L3MBTL4: variants seen among roughly 807,000 people sequenced by gnomAD.
The protein encoded by L3MBTL4 is L3MBTL histone methyl-lysine binding protein 4.
In L3MBTL4, 70 loss-of-function variants were observed where a neutral mutation model predicts 84.5. That is an observed-to-expected ratio of 0.83 (90% CI 0.68 to 1.01). The LOEUF (loss-of-function observed/expected upper bound fraction) is 1.01. L3MBTL4 is among the 50% of genes least tolerant of loss of function. L3MBTL4 has a pLI of 0.00. For synonymous variants in L3MBTL4, 274 were observed against 259.8 expected (o/e 1.05, Z -0.52); for missense variants, 715 against 754.8 (o/e 0.95, Z 0.62).
Position 6,243,441 on chromosome 18 carries a change from A to G in L3MBTL4, c.325-12T>C, listed in dbSNP as rs1371934288. 5 of 1,578,210 alleles carry G rather than the reference A, an allele frequency of 3.2e-6. No homozygotes were observed. Among genetic ancestry groups the G allele is most frequent in the East Asian group, 2.3e-5 (1 of 43,814 alleles). On this transcript the variant is annotated splice_polypyrimidine_tract_variant and intron_variant, in intron 6 of 18. Coordinates refer to ENST00000317931, the MANE Select transcript of L3MBTL4 (RefSeq NM_001330559.2). ...CGGTAACCACAAACCTGCAAGATAG[A>G]AAGTTTACAATCATTCGTTAAGTGT...
At chr18:6,264,127 C>T in intron 4 of L3MBTL4, 89 bp from the exon 5 acceptor site, 1 of 947,110 alleles carries the variant, frequency 1.1e-6, no homozygotes, top group Middle Eastern at 2.2e-4. Context: ...AAGAAGCAGG[C>T]TAATTAGTTA....
At chr18:6,149,690 C>T (rs2042808829) in intron 13 of L3MBTL4, among the ~76,000 whole-genome samples, 2 of 152,154 alleles carry the variant, frequency 1.3e-5, no homozygotes, top group African/African-American at 4.8e-5. Context: ...TCCTATTTCT[C>T]CACATCCTAA....
At chr18:6,073,578 C>G (rs2146019015) in intron 16 of L3MBTL4, among the ~76,000 whole-genome samples, 1 of 152,164 alleles carries the variant, frequency 6.6e-6, no homozygotes, top group East Asian at 1.9e-4. Context: ...AGAAGGAAAA[C>G]TACAGATCAG....
At chr18:6,285,121 G>A (rs1418609515) in intron 4 of L3MBTL4, among the ~76,000 whole-genome samples, 1 of 152,244 alleles carries the variant, frequency 6.6e-6, no homozygotes, top group Non-Finnish European at 1.5e-5. Flanking sequence ...GCGAGGAGGC[G>A]TCCGCAGAGG....
intron 13 of L3MBTL4, among the ~76,000 whole-genome samples, chr18:6,169,567 C>A (rs2043858133): frequency 6.6e-6 from 1 of 151,168 alleles, no homozygotes; most frequent in Non-Finnish European, 1.5e-5. Flanking sequence ...TTCTCAGCCA[C>A]CCATCACAAG....
chr18:6,257,038 T>A (rs1170703486), intron 5 of L3MBTL4, among the ~76,000 whole-genome samples: 1 of 152,058 alleles, frequency 6.6e-6, no homozygotes, highest in Non-Finnish European at 1.5e-5. Flanking sequence ...ACCGCTTGTA[T>A]TTAAGCAAGT....
intron 14 of L3MBTL4, among the ~76,000 whole-genome samples, chr18:6,113,791 A>G (rs1215758087): frequency 1.3e-5 from 2 of 152,184 alleles, no homozygotes; most frequent in African/African-American, 2.4e-5. Flanking sequence ...TACTTTTTCA[A>G]ACACTGGATA....
intron 14 of L3MBTL4, among the ~76,000 whole-genome samples, chr18:6,118,166 A>G (rs2059413268): frequency 8.4e-6 from 1 of 118,856 alleles, no homozygotes; most frequent in Non-Finnish European, 1.8e-5. Context: ...ACTGCATGCA[A>G]ACTCACTCTC....
intron 5 of L3MBTL4, among the ~76,000 whole-genome samples, chr18:6,247,374 A>C (rs747028054): frequency 6.6e-6 from 1 of 150,700 alleles, no homozygotes; most frequent in African/African-American, 2.5e-5. Flanking sequence ...GAGCCTCTTC[A>C]GTCTTCCTTA....
At chr18:6,196,157 C>CA (rs1555685691) in intron 12 of L3MBTL4, among the ~76,000 whole-genome samples, 1 of 130,226 alleles carries the variant, frequency 7.7e-6, no homozygotes, top group Non-Finnish European at 1.6e-5. Flanking sequence ...TAGAGTTCCT[C>CA]TTTTTTTTTT....
intron 1 of L3MBTL4, among the ~76,000 whole-genome samples, chr18:6,406,381 G>A (rs2055735393): frequency 6.6e-6 from 1 of 152,196 alleles, no homozygotes; most frequent in Middle Eastern, 3.4e-3. Context: ...CATTTTACAA[G>A]AGAAAAGGAG....
rs547007184 is a variant in L3MBTL4, at chr18:6,048,120, G to A, written c.1444+32761C>T. On this transcript the variant is annotated intron_variant, in intron 16 of 18. Coordinates refer to ENST00000317931, the MANE Select transcript of L3MBTL4 (RefSeq NM_001330559.2). The stretch of plus-strand genomic sequence containing the variant: ...ATTTGTACACACCAATAACATTCAA[G>A]CTGAGAGCCAAATCATTTCAAATAG... Among the ~76,000 whole-genome samples the A allele has an allele frequency of 3.9e-5, 6 of 152,244 alleles. No individual in the cohort carries two copies. In the South Asian group the frequency reaches 1.2e-3, roughly 32 times the overall value.
intron 1 of L3MBTL4, among the ~76,000 whole-genome samples, chr18:6,379,364 A>G (rs1030996678): frequency 5.9e-5 from 9 of 152,088 alleles, no homozygotes; most frequent in African/African-American, 2.2e-4. Flanking sequence ...GTTGAATAGG[A>G]GTGGTGAGAT....
chr18:6,003,769 T>C (rs2054333737), intron 16 of L3MBTL4, among the ~76,000 whole-genome samples: 1 of 152,070 alleles, frequency 6.6e-6, no homozygotes. Context: ...AAACAACACA[T>C]TTTTAAATAA....
intron 1 of L3MBTL4, among the ~76,000 whole-genome samples, chr18:6,380,123 C>A (rs2054536405): frequency 6.6e-6 from 1 of 152,172 alleles, no homozygotes; most frequent in Admixed American, 6.5e-5. Flanking sequence ...TCATGATATT[C>A]TCTGATGGCA....
chr18:6,196,404 A>G (rs944653753), intron 12 of L3MBTL4, among the ~76,000 whole-genome samples: 5 of 151,894 alleles, frequency 3.3e-5, no homozygotes, highest in Admixed American at 6.6e-5. Context: ...TGATCTGCCC[A>G]CCCTGGCCTC....
intron 12 of L3MBTL4, among the ~76,000 whole-genome samples, chr18:6,181,991 T>C (rs1599040455): frequency 6.6e-6 from 1 of 152,218 alleles, no homozygotes; most frequent in East Asian, 1.9e-4. Flanking sequence ...TGTGTCTTTA[T>C]GGTAGAACGA....
At chr18:6,310,706 C>T (rs1398032181) in intron 3 of L3MBTL4, among the ~76,000 whole-genome samples, 3 of 152,144 alleles carry the variant, frequency 2.0e-5, no homozygotes, top group Admixed American at 1.3e-4. Flanking sequence ...AAAATAATCA[C>T]CATGGAGGTC....
At chr18:6,345,591 TA>T (rs2052859336) in intron 1 of L3MBTL4, among the ~76,000 whole-genome samples, 1 of 152,016 alleles carries the variant, frequency 6.6e-6, no homozygotes, top group Admixed American at 6.6e-5. Context: ...TCAAAAAGAA[TA>T]AAATTATGAG....
Sources: gnomAD v4.1 joint callset for allele counts (sites outside exome capture counted in the v4.1 genomes callset) on GRCh38, gnomAD v4.1.1 for gene constraint, MANE v1.5 for transcripts, NCBI Gene and HGNC (gene_info 2026-07-23, HGNC 2026-07-21) for gene names.